The following SLC43A2 variants were observed in gnomAD, a reference collection of about 807,000 sequenced individuals.
The protein encoded by SLC43A2 is solute carrier family 43 member 2, also known as large neutral amino acids transporter small subunit 4.
A neutral mutation model predicts 63.2 loss-of-function variants in SLC43A2; 38 were observed. The ratio of observed to expected loss-of-function variants is 0.60; its 90% CI spans 0.46 to 0.79. The LOEUF (loss-of-function observed/expected upper bound fraction) is 0.79. Among genes scored for constraint, SLC43A2 ranks in the 30% least tolerant of loss-of-function variants. The probability of loss-of-function intolerance (pLI) is 0.00; values close to 1 mark genes in which losing one functional copy is unlikely to be tolerated. For missense variants in SLC43A2, 644 were observed against 756.2 expected (o/e 0.85, Z 1.74); for synonymous variants, 322 against 331.0 (o/e 0.97, Z 0.30).
chr17:1,594,912 G>A (rs2151050653), intron 5 of SLC43A2, among the ~76,000 whole-genome samples: 1 of 152,130 alleles, frequency 6.6e-6, no homozygotes, highest in South Asian at 2.1e-4. Flanking sequence ...TAAGAGACAG[G>A]ATCTGCTGGA....
At position 1,612,348 on chromosome 17, in the gene SLC43A2, G is replaced by T. The variant is rs184387307; in HGVS notation, c.501+847C>A. On this transcript the variant is annotated intron_variant, in intron 5 of 13. Transcript: ENST00000301335. ...GGAGCATATTTTGTGATGTCCTGGGGCTCCCAACAAGGGGGTGCTTAGTAC... is the reference window on the plus strand; with the variant it reads ...GGAGCATATTTTGTGATGTCCTGGGTCTCCCAACAAGGGGGTGCTTAGTAC... Among the ~76,000 whole-genome samples the T allele has an allele frequency of 2.0e-3, 303 of 152,264 alleles. 2 individuals are homozygous for T. The highest frequency in any genetic ancestry group is 6.9e-3 in the African/African-American group (287 of 41,568).
At position 1,573,855 on chromosome 17, in the gene SLC43A2, T is replaced by C. The variant is rs987785804; in HGVS notation, c.*1749A>G. On this transcript the variant is annotated 3_prime_UTR_variant, in exon 14 of 14. Coordinates refer to ENST00000301335, the MANE Select transcript of SLC43A2 (RefSeq NM_152346.3). ...ATGGTCTCGAACTCCTGACCTCAGG[T>C]GAGCCTCCTGCCTTGGCCTCCCAAA... The C allele has an allele frequency of 6.6e-6, 1 of 152,104 alleles. No individual in the cohort carries two copies. The highest frequency in any genetic ancestry group is 1.5e-5 in the Non-Finnish European group (1 of 68,052). 9.4% of individuals were successfully genotyped at this position (152,104 alleles called of 1,614,324 possible).
At chr17:1,581,806 G>GTTTT (rs926906202) in intron 11 of SLC43A2, among the ~76,000 whole-genome samples, 1 of 140,744 alleles carries the variant, frequency 7.1e-6, no homozygotes. Context: ...AAGAAATTCA[G>GTTTT]TTTTTTTTTT....
At position 1,605,873 on chromosome 17, in the gene SLC43A2, G is replaced by A. The variant is rs1023895160; in HGVS notation, c.501+7322C>T. 2.0e-5 allele frequency among the ~76,000 whole-genome samples: 3 copies of A among 152,112 alleles called. No homozygotes were observed. The highest frequency in any genetic ancestry group is 4.4e-5 in the Non-Finnish European group (3 of 68,000). On this transcript the variant is annotated intron_variant, in intron 5 of 13. Coordinates refer to ENST00000301335, the MANE Select transcript of SLC43A2 (RefSeq NM_152346.3). This position sits in a 1 kb window ranked among gnomAD's most constrained non-coding sequence, Gnocchi z 4.9. ...TCAGTGCTGAAGGGAGGGGAAGGGTGTGCTCCCCTCCCCCGGCCACCTCCT... is the reference window on the plus strand; with the variant it reads ...TCAGTGCTGAAGGGAGGGGAAGGGTATGCTCCCCTCCCCCGGCCACCTCCT...
At chr17:1,579,154 T>TA (rs1567608210) in intron 11 of SLC43A2, among the ~76,000 whole-genome samples, 19 of 138,926 alleles carry the variant, frequency 1.4e-4, no homozygotes, top group South Asian at 2.3e-4. Context: ...AAAAAAATAA[T>TA]AATAATAATA....
chr17:1,619,691 T>G (rs1049826325), intron 2 of SLC43A2, among the ~76,000 whole-genome samples: 1 of 152,206 alleles, frequency 6.6e-6, no homozygotes, highest in African/African-American at 2.4e-5. Context: ...GTTTCAAATG[T>G]CAGCTCTGCC....
Position 1,605,152 on chromosome 17 carries a change from T to C in SLC43A2, c.501+8043A>G. The C allele has an allele frequency of 1.6e-6, 2 of 1,257,290 alleles. No homozygotes were observed. The highest frequency in any genetic ancestry group is 1.7e-5 in the South Asian group (1 of 58,526). The allele number at this position is 1,257,290 out of a possible 1,614,324, so 77.9% of individuals were successfully genotyped here. ...AGCCCCCTCGCCGCCTCTGCCTCCG[T>C]GCGGGTCAACCTGTCCTGCCAGCCC... On this transcript the variant is annotated intron_variant, in intron 5 of 13. Coordinates refer to ENST00000301335, the MANE Select transcript of SLC43A2 (RefSeq NM_152346.3). This position sits in a 1 kb window ranked among gnomAD's most constrained non-coding sequence, Gnocchi z 4.9.
chr17:1,628,543 C>G (rs1038347267), intron 1 of SLC43A2, among the ~76,000 whole-genome samples: 23 of 152,252 alleles, frequency 1.5e-4, no homozygotes, highest in South Asian at 1.4e-3. Flanking sequence ...GGAGCCGGTT[C>G]AAACCGGTGG....
chr17:1,627,963 C>T (rs1908843383), intron 1 of SLC43A2, 43 bp from the exon 2 acceptor site: 1 of 1,320,128 alleles, frequency 7.6e-7, no homozygotes, highest in Non-Finnish European at 9.6e-7. Context: ...CTTGCCCAGC[C>T]CCTGCGGCCG....
intron 9 of SLC43A2, among the ~76,000 whole-genome samples, chr17:1,587,607 C>A (rs1266751902): frequency 6.6e-6 from 1 of 152,182 alleles, no homozygotes; most frequent in African/African-American, 2.4e-5. Context: ...AGGCCCTTGG[C>A]TGCTCCAGTG....
In SLC43A2 at chr17:1,572,521, T is replaced by C. The variant is rs542208142; in HGVS notation, c.*3083A>G. On this transcript the variant is annotated 3_prime_UTR_variant, in exon 14 of 14. Transcript: ENST00000301335. ...GTTGTAAAGCAGGGATGATCATATGTGTTTAACTCCCAGATTGTTATCAAG... is the reference window on the plus strand; with the variant it reads ...GTTGTAAAGCAGGGATGATCATATGCGTTTAACTCCCAGATTGTTATCAAG... The C allele has an allele frequency of 6.6e-5, 10 of 152,392 alleles. No individual in the cohort carries two copies. In the East Asian group the frequency reaches 1.7e-3, roughly 26 times the overall value. The allele number at this position is 152,392 out of a possible 1,614,324, so 9.4% of individuals were successfully genotyped here. A position where few individuals can be genotyped will look rare whatever the true frequency, so the allele number is the denominator to read the frequency against.
At chr17:1,586,203 G>T in intron 9 of SLC43A2, 152 bp from the exon 10 acceptor site, 1 of 1,236,012 alleles carries the variant, frequency 8.1e-7, no homozygotes. Context: ...GGAGCCCGGA[G>T]ACCTTAACTC....
chr17:1,575,485 G>A lies in SLC43A2; in HGVS notation c.*119C>T, dbSNP rs1023863344. 28 of 1,349,308 alleles carry A rather than the reference G, an allele frequency of 2.1e-5. No homozygotes were observed. The highest frequency in any genetic ancestry group is 2.6e-5 in the Non-Finnish European group (25 of 955,530). 83.6% of individuals were successfully genotyped at this position (1,349,308 alleles called of 1,614,324 possible). A position where few individuals can be genotyped will look rare whatever the true frequency, so the allele number is the denominator to read the frequency against. On this transcript the variant is annotated 3_prime_UTR_variant, in exon 14 of 14. Coordinates refer to ENST00000301335, the MANE Select transcript of SLC43A2 (RefSeq NM_152346.3). ...CCGAGGCAGGGCCCCGGGAGGGAGC[G>A]TGAACGCTGGCACGGAGACGGCGAA...
chr17:1,611,571 G>A (rs1246829469), intron 5 of SLC43A2, among the ~76,000 whole-genome samples: 1 of 150,972 alleles, frequency 6.6e-6, no homozygotes, highest in Non-Finnish European at 1.5e-5. Flanking sequence ...GGAGGCGGAG[G>A]TTGCAGTGAG....
At position 1,593,139 on chromosome 17, in the gene SLC43A2, C is replaced by T. The variant is rs570733053; in HGVS notation, c.594+48G>A. 1.3e-6 allele frequency: 2 copies of T among 1,571,074 alleles called. No homozygotes were observed. Among genetic ancestry groups the T allele is most frequent in the African/African-American group, 2.7e-5 (2 of 74,304 alleles). On this transcript the variant is annotated intron_variant, in intron 6 of 13. Transcript: ENST00000301335. This position sits in a 1 kb window ranked among gnomAD's most constrained non-coding sequence, Gnocchi z 5.3. ...CCTCTTCAGAGAGGGTGGAAGGAGC[C>T]TGGAGCAGGCCTCTGCACAGACACC...
At chr17:1,589,467 T>G (rs535220395) in intron 9 of SLC43A2, among the ~76,000 whole-genome samples, 1 of 152,186 alleles carries the variant, frequency 6.6e-6, no homozygotes, top group South Asian at 2.1e-4. Context: ...TAGCTGGGTG[T>G]GGTGGCGCGC....
intron 5 of SLC43A2, among the ~76,000 whole-genome samples, chr17:1,611,715 C>G (rs965857633): frequency 6.6e-6 from 1 of 151,938 alleles, no homozygotes; most frequent in Non-Finnish European, 1.5e-5. Flanking sequence ...TTCAATGGCA[C>G]GACAAGGGAA....
rs2075966745 is a variant in SLC43A2 at position 1,578,517 on chromosome 17, G to A, written c.1351-194C>T. ...TCGTTAACACAGTCATTTTTTGTTTGTTTGTTTGTTTTGTTTTTTGTTTTG... is the reference window on the plus strand; with the variant it reads ...TCGTTAACACAGTCATTTTTTGTTTATTTGTTTGTTTTGTTTTTTGTTTTG... On this transcript the variant is annotated intron_variant, in intron 11 of 13. Coordinates refer to ENST00000301335, the MANE Select transcript of SLC43A2 (RefSeq NM_152346.3). This position sits in a 1 kb window ranked among gnomAD's most constrained non-coding sequence, Gnocchi z 6.5. 1 of 548,074 alleles carries A rather than the reference G, an allele frequency of 1.8e-6. No individual in the cohort carries two copies. Among genetic ancestry groups the A allele is most frequent in the East Asian group, 2.9e-5 (1 of 34,110 alleles). The allele number at this position is 548,074 out of a possible 1,614,324, so 34.0% of individuals were successfully genotyped here. A position where few individuals can be genotyped will look rare whatever the true frequency, so the allele number is the denominator to read the frequency against.
intron 3 of SLC43A2, among the ~76,000 whole-genome samples, chr17:1,616,042 T>TG (rs1446260938): frequency 7.5e-6 from 1 of 133,900 alleles, no homozygotes; most frequent in African/African-American, 2.8e-5. Context: ...GACTCCGTCT[T>TG]GAAAAAAAAA....
Sources: allele counts gnomAD v4.1 joint callset (sites outside exome capture counted in the v4.1 genomes callset), GRCh38; gene constraint gnomAD v4.1.1; non-coding constraint Gnocchi (gnomAD v3.1); transcripts MANE v1.5; gene names NCBI Gene and HGNC (gene_info 2026-07-23, HGNC 2026-07-21).